Variants in BCAS3 observed in about 807,000 individuals in gnomAD.
BCAS3 encodes BCAS3 microtubule associated cell migration factor.
A neutral mutation model predicts 116.1 loss-of-function variants in BCAS3; 53 were observed. The observed-to-expected ratio is 0.46, with a 90% CI of 0.37 to 0.57. The LOEUF (loss-of-function observed/expected upper bound fraction) is 0.57. BCAS3 is among the 20% of genes least tolerant of loss of function. The pLI is 0.00. For missense variants in BCAS3, 917 were observed against 1,165.4 expected, an observed-to-expected ratio of 0.79 and a Z score of 3.10; for synonymous variants, 391 against 408.2, an observed-to-expected ratio of 0.96 and a Z score of 0.51.
chr17:61,004,867 C>G lies in BCAS3; in HGVS notation c.1487-10884C>G, dbSNP rs1462521257. On this transcript the variant is annotated intron_variant, in intron 15 of 23. Transcript: ENST00000407086. This position sits in a 1 kb window ranked among gnomAD's most constrained non-coding sequence, Gnocchi z 4.8. ...TGGCTTCAGAAGAAATAGAGCATTC[C>G]ATTTTCTGTGTTAAGAGCCATCTCT... 6.6e-6 allele frequency among the ~76,000 whole-genome samples: 1 copy of G among 152,050 alleles called. No homozygotes were observed. Among genetic ancestry groups the G allele is most frequent in the African/African-American group, 2.4e-5 (1 of 41,402 alleles).
chr17:61,155,694 A>G (rs945256386), intron 22 of BCAS3, among the ~76,000 whole-genome samples: 1 of 152,182 alleles, frequency 6.6e-6, no homozygotes, highest in Non-Finnish European at 1.5e-5. Flanking sequence ...TAGCTTCATT[A>G]TGTCAGCCTG....
intron 22 of BCAS3, among the ~76,000 whole-genome samples, chr17:61,100,113 A>T (rs933978332): frequency 6.6e-6 from 1 of 152,190 alleles, no homozygotes; most frequent in Admixed American, 6.5e-5. Flanking sequence ...CAATGTTAAG[A>T]CTGTAGAGAA....
intron 15 of BCAS3, among the ~76,000 whole-genome samples, chr17:61,002,107 A>G (rs1466701045): frequency 6.6e-6 from 1 of 152,128 alleles, no homozygotes; most frequent in Non-Finnish European, 1.5e-5. Context: ...TGCCAGTGGG[A>G]TATATTTTAA....
intron 22 of BCAS3, among the ~76,000 whole-genome samples, chr17:61,322,831 AG>A (rs2055377268): frequency 1.3e-5 from 1 of 77,960 alleles, no homozygotes; most frequent in African/African-American, 6.0e-5. Context: ...AGAGAGAGAC[AG>A]AGAGAGAGAG....
chr17:60,824,082 A>C (rs935677535), intron 7 of BCAS3, among the ~76,000 whole-genome samples: 1 of 152,194 alleles, frequency 6.6e-6, no homozygotes, highest in Non-Finnish European at 1.5e-5. Context: ...TTAGTATTCA[A>C]TTCATTTTTC....
chr17:61,192,759 T>C (rs1160089532), intron 22 of BCAS3, among the ~76,000 whole-genome samples: 2 of 152,220 alleles, frequency 1.3e-5, no homozygotes, highest in Admixed American at 6.5e-5. Context: ...AGGAGTGATA[T>C]GTAAGATTCA....
chr17:60,973,007 T>G (rs2145355862), intron 14 of BCAS3, among the ~76,000 whole-genome samples: 1 of 152,220 alleles, frequency 6.6e-6, no homozygotes, highest in Admixed American at 6.5e-5. Flanking sequence ...TCCAGTAGGG[T>G]TAGAAAGGGC....
chr17:60,982,907 AT>A (rs1366493524), intron 14 of BCAS3, among the ~76,000 whole-genome samples: 1 of 152,126 alleles, frequency 6.6e-6, no homozygotes, highest in Non-Finnish European at 1.5e-5. Flanking sequence ...GTCCACAAAC[AT>A]TTTCTGTGTC....
In BCAS3 at chr17:61,151,358, C is replaced by T. The variant is rs2077529160; in HGVS notation, c.2425+66794C>T. 6.6e-6 allele frequency among the ~76,000 whole-genome samples: 1 copy of T among 151,938 alleles called. No individual in the cohort carries two copies. Among genetic ancestry groups the T allele is most frequent in the Non-Finnish European group, 1.5e-5 (1 of 67,980 alleles). On this transcript the variant is annotated intron_variant, in intron 22 of 23. Transcript: ENST00000407086. The surrounding 1 kb of genome is among the most constrained non-coding windows in gnomAD (Gnocchi z 4.8). ...GCATTTCGGATAGGGGATAATCAAC[C>T]TATACCACTACCTCCTCCTCCTGTT...
chr17:60,861,100 A>G (rs1473576467), intron 7 of BCAS3, among the ~76,000 whole-genome samples: 1 of 152,070 alleles, frequency 6.6e-6, no homozygotes, highest in African/African-American at 2.4e-5. Flanking sequence ...CATTTTAACG[A>G]TATTGAGTCT....
rs1223902392 is a variant in BCAS3, at chr17:61,044,446, C to CA, written c.2029+3574dup. Among the ~76,000 whole-genome samples, 607 of 82,654 alleles carry CA rather than the reference C, an allele frequency of 7.3e-3. 9 individuals are homozygous for CA. The highest frequency in any genetic ancestry group is 0.012 in the South Asian group (30 of 2,596). 54.2% of individuals were successfully genotyped at this position (82,654 alleles called of 152,430 possible). On this transcript the variant is annotated intron_variant, in intron 19 of 23. Coordinates refer to ENST00000407086, the MANE Select transcript of BCAS3 (RefSeq NM_017679.5). Reference sequence around the variant, plus strand: ...TGGGTGACAGAGCGTGACTCTGTCTCAAAAAAAAAAAAAAAAAAAATATAT... The same window carrying CA: ...TGGGTGACAGAGCGTGACTCTGTCTCAAAAAAAAAAAAAAAAAAAAATATAT...
At chr17:60,832,271 A>G (rs1200896279) in intron 7 of BCAS3, among the ~76,000 whole-genome samples, 3 of 152,210 alleles carry the variant, frequency 2.0e-5, no homozygotes, top group Non-Finnish European at 2.9e-5. Flanking sequence ...GACTCTACAC[A>G]TGGAACTGTG....
At position 61,136,403 on chromosome 17, in the gene BCAS3, A is replaced by T. The variant is rs950288641; in HGVS notation, c.2425+51839A>T. Among the ~76,000 whole-genome samples the T allele has an allele frequency of 1.3e-5, 2 of 152,126 alleles. No individual in the cohort carries two copies. The highest frequency in any genetic ancestry group is 4.8e-5 in the African/African-American group (2 of 41,418). ...CAGGGTTTCTCAGCGTAAGTACTGA[A>T]GGTATTTTGGACTGGACAATTCTTT... is the stretch of plus-strand genomic sequence containing the variant. On this transcript the variant is annotated intron_variant, in intron 22 of 23. Coordinates refer to ENST00000407086, the MANE Select transcript of BCAS3 (RefSeq NM_017679.5). This position sits in a 1 kb window ranked among gnomAD's most constrained non-coding sequence, Gnocchi z 4.4.
intron 6 of BCAS3, among the ~76,000 whole-genome samples, chr17:60,769,070 G>C (rs1186680073): frequency 1.3e-5 from 2 of 152,182 alleles, no homozygotes; most frequent in East Asian, 1.9e-4. Context: ...TGGCCCAACT[G>C]GAGACCCCAG....
chr17:60,787,428 A>G (rs1276623977), intron 6 of BCAS3, among the ~76,000 whole-genome samples: 1 of 152,200 alleles, frequency 6.6e-6, no homozygotes, highest in East Asian at 1.9e-4. Context: ...CATTATATGA[A>G]TATAACAAGT....
At chr17:61,053,306 C>G (rs1018202358) in intron 19 of BCAS3, among the ~76,000 whole-genome samples, 2 of 152,088 alleles carry the variant, frequency 1.3e-5, no homozygotes, top group African/African-American at 4.8e-5. Flanking sequence ...ATTTTTCATT[C>G]TAATATAAAG....
At chr17:60,815,856 A>G (rs2049336435) in intron 7 of BCAS3, among the ~76,000 whole-genome samples, 1 of 152,026 alleles carries the variant, frequency 6.6e-6, no homozygotes, top group Admixed American at 6.6e-5. Flanking sequence ...GCCCATCTTT[A>G]TTTCTTTCTT....
At chr17:60,973,583 A>AT (rs1283039174) in intron 14 of BCAS3, among the ~76,000 whole-genome samples, 4,370 of 141,334 alleles carry the variant, frequency 0.031, 334 homozygotes, top group African/African-American at 0.12. Flanking sequence ...TTACCTTATT[A>AT]TTAATATATA....
rs11871389 is a variant in BCAS3 at position 61,276,809 on chromosome 17, C to G, written c.2426-91518C>G. 6.6e-6 allele frequency among the ~76,000 whole-genome samples: 1 copy of G among 152,150 alleles called. No homozygotes were observed. The highest frequency in any genetic ancestry group is 1.5e-5 in the Non-Finnish European group (1 of 68,030). ...GACTTTTCAATTTCAAAATATACTTCTAAGCTACAGTAATCAAGACAGTGT... is the reference window on the plus strand; with the variant it reads ...GACTTTTCAATTTCAAAATATACTTGTAAGCTACAGTAATCAAGACAGTGT... On this transcript the variant is annotated intron_variant, in intron 22 of 23. Transcript: ENST00000407086. This position sits in a 1 kb window ranked among gnomAD's most constrained non-coding sequence, Gnocchi z 4.2.
Sources: gnomAD v4.1 joint callset for allele counts (sites outside exome capture counted in the v4.1 genomes callset) on GRCh38, gnomAD v4.1.1 for gene constraint, Gnocchi (gnomAD v3.1) non-coding constraint, MANE v1.5 for transcripts, NCBI Gene and HGNC (gene_info 2026-07-23, HGNC 2026-07-21) for gene names.